Variants in SYNE1 observed in about 807,000 individuals in gnomAD.
The protein encoded by SYNE1 is spectrin repeat containing nuclear envelope protein 1.
Under a neutral mutation model 1,111.0 loss-of-function variants are expected in SYNE1, and 616 were observed. The ratio of observed to expected loss-of-function variants is 0.55; its 90% CI spans 0.52 to 0.59. The LOEUF (loss-of-function observed/expected upper bound fraction) is 0.59. Ranked by LOEUF, SYNE1 falls within the 20% of genes least tolerant of loss-of-function variation. SYNE1 has a pLI of 0.00. For synonymous variants in SYNE1, 3,855 were observed against 3,825.8 expected, an observed-to-expected ratio of 1.01 and a Z score of -0.28; for missense variants, 10,006 against 10,417.0, an observed-to-expected ratio of 0.96 and a Z score of 1.72.
intron 98 of SYNE1, among the ~76,000 whole-genome samples, chr6:152,277,209 C>T (rs548141127): frequency 5.3e-5 from 8 of 150,576 alleles, no homozygotes; most frequent in Non-Finnish European, 1.2e-4. Context: ...TTTATCCTAT[C>T]CGTTTCCTCC....
chr6:152,315,842 A>T (rs900149829), intron 87 of SYNE1: 1 of 152,216 alleles, frequency 6.6e-6, no homozygotes, highest in Non-Finnish European at 1.5e-5. Flanking sequence ...GAGAAGAAAG[A>T]CTGTGAATAT....
chr6:152,609,491 A>C (rs994698716), intron 3 of SYNE1, among the ~76,000 whole-genome samples: 1 of 152,172 alleles, frequency 6.6e-6, no homozygotes, highest in Non-Finnish European at 1.5e-5. Context: ...GGTAGAGCCC[A>C]CACAGGTCAG....
At position 152,242,222 on chromosome 6, in the gene SYNE1, CTCTTTTTTGTTAT is replaced by C. The variant is rs777252918; in HGVS notation, c.19893+5_19893+17del. The C allele has an allele frequency of 6.2e-7, 1 of 1,605,792 alleles. No individual in the cohort carries two copies. Among genetic ancestry groups the C allele is most frequent in the East Asian group, 2.2e-5 (1 of 44,830 alleles). On this transcript the variant is annotated splice_donor_5th_base_variant and intron_variant, in intron 107 of 145. Transcript: ENST00000367255. ...TTCCAATTACATTTTCTCTCTATCA[CTCTTTTTTGTTAT>C]GTACCTTATGTTTGTCAAGTAGTTG...
chr6:152,416,246 A>C, intron 41 of SYNE1, 141 bp downstream of exon 41: 2 of 1,185,020 alleles, frequency 1.7e-6, no homozygotes, highest in Admixed American at 3.7e-5. Flanking sequence ...ACTCAGCTTA[A>C]TTTCTTTCTT....
At chr6:152,305,728 A>G (rs2095354148) in intron 91 of SYNE1, among the ~76,000 whole-genome samples, 1 of 152,230 alleles carries the variant, frequency 6.6e-6, no homozygotes, top group Admixed American at 6.5e-5. Flanking sequence ...TGTTATCATC[A>G]GTTAAGCTTT....
At chr6:152,356,733 G>A (rs1189175514) in intron 66 of SYNE1, among the ~76,000 whole-genome samples, 1 of 152,006 alleles carries the variant, frequency 6.6e-6, no homozygotes, top group African/African-American at 2.4e-5. Context: ...ACTGCTTCCT[G>A]CCACTAGCAT....
In SYNE1 at chr6:152,290,525, C is replaced by T. The variant is rs545040258; in HGVS notation, c.18012+3063G>A. 8.5e-5 allele frequency among the ~76,000 whole-genome samples: 13 copies of T among 152,210 alleles called. No individual in the cohort carries two copies. The South Asian group carries it at 2.5e-3, about 29-fold the overall frequency. On this transcript the variant is annotated intron_variant, in intron 95 of 145. Transcript: ENST00000367255. ...GAGCCAAGATCACGTCACTACATTC[C>T]AGCCTGGGCAACAGACTGAGACTCT...
At chr6:152,586,547 TG>T (rs1301207924) in intron 3 of SYNE1, among the ~76,000 whole-genome samples, 9 of 152,108 alleles carry the variant, frequency 5.9e-5, no homozygotes, top group African/African-American at 2.2e-4. Flanking sequence ...TAATTATTTT[TG>T]TTATTTATTT....
intron 3 of SYNE1, among the ~76,000 whole-genome samples, chr6:152,620,170 C>T (rs1252752958): frequency 6.6e-6 from 1 of 152,130 alleles, no homozygotes; most frequent in Non-Finnish European, 1.5e-5. Context: ...CCTCCTTGAA[C>T]TCATTCTTTG....
intron 126 of SYNE1, 36 bp from the exon 127 acceptor site, chr6:152,201,985 T>C (rs1164333693): frequency 6.2e-7 from 1 of 1,611,776 alleles, no homozygotes; most frequent in East Asian, 2.2e-5. Flanking sequence ...CATAGATGTT[T>C]TTGATGTAGG....
chr6:152,291,437 T>C (rs1454201825), intron 95 of SYNE1, among the ~76,000 whole-genome samples: 2 of 152,106 alleles, frequency 1.3e-5, no homozygotes, highest in African/African-American at 4.8e-5. Context: ...TTGGCCTTAA[T>C]GACAAGAAAA....
chr6:152,502,825 C>T, intron 9 of SYNE1, 83 bp from the exon 10 acceptor site: 1 of 1,071,800 alleles, frequency 9.3e-7, no homozygotes, highest in Non-Finnish European at 1.4e-6. Flanking sequence ...CTAGCTATCA[C>T]ACCAAAAACG....
intron 28 of SYNE1, among the ~76,000 whole-genome samples, chr6:152,448,989 C>T (rs1592927024): frequency 6.6e-6 from 1 of 152,308 alleles, no homozygotes; most frequent in Non-Finnish European, 1.5e-5. Flanking sequence ...CATTATGTGT[C>T]TAAGAGTGAG....
At chr6:152,426,042 C>A (rs1259626245) in intron 38 of SYNE1, among the ~76,000 whole-genome samples, 3 of 152,156 alleles carry the variant, frequency 2.0e-5, no homozygotes, top group Non-Finnish European at 4.4e-5. Flanking sequence ...AACTGGAGAA[C>A]TTAAGGGCTC....
intron 145 of SYNE1, among the ~76,000 whole-genome samples, 184 bp from the exon 146 acceptor site, chr6:152,122,860 C>T (rs1228018628): frequency 6.6e-6 from 1 of 152,186 alleles, no homozygotes; most frequent in African/African-American, 2.4e-5. Context: ...TTGTTGGAAA[C>T]TGCACTGACA....
chr6:152,624,256 G>A (rs981032003), intron 3 of SYNE1, among the ~76,000 whole-genome samples: 3 of 152,060 alleles, frequency 2.0e-5, no homozygotes, highest in Admixed American at 6.5e-5. Flanking sequence ...CACTTTTTCT[G>A]TAAGATTGCG....
chr6:152,409,818 G>T, intron 42 of SYNE1, 109 bp from the exon 43 acceptor site: 2 of 1,173,794 alleles, frequency 1.7e-6, no homozygotes, highest in Non-Finnish European at 2.5e-6. Context: ...AATACTCATA[G>T]ACGGATTCCT....
At chr6:152,334,347 C>A in intron 76 of SYNE1, 74 bp from the exon 77 acceptor site, 2 of 1,535,600 alleles carry the variant, frequency 1.3e-6, no homozygotes, top group Non-Finnish European at 1.8e-6. Flanking sequence ...GCAACACAGA[C>A]ATAAGACCTT....
rs1214115233 is a variant in SYNE1 at position 152,407,191 on chromosome 6, T to C, written c.6546A>G (p.Ser2182=). ...TATCCATGTTTTCTTCAAGTTTCTC[T>C]GATACCTAGGAGAGAAACAGAAGCC... ...ESTVDKWLDV[S]EKLEENMDRL... is the part of the protein sequence containing the mutation. The change falls in exon 45 of 146, where the codon TCA becomes TCG. Residue 2182 remains serine, a synonymous_variant. Coordinates refer to ENST00000367255, the MANE Select transcript of SYNE1 (RefSeq NM_182961.4). The C allele has an allele frequency of 6.2e-7, 1 of 1,613,760 alleles. No homozygotes were observed. The highest frequency in any genetic ancestry group is 2.2e-5 in the East Asian group (1 of 44,872).
Sources: gnomAD v4.1 joint callset for allele counts (sites outside exome capture counted in the v4.1 genomes callset) on GRCh38, gnomAD v4.1.1 for gene constraint, MANE v1.5 for transcripts, NCBI Gene and HGNC (gene_info 2026-07-23, HGNC 2026-07-21) for gene names.